The following SYMPK variants were observed in gnomAD, a reference collection of about 807,000 sequenced individuals.
The protein encoded by SYMPK is symplekin scaffold protein.
A neutral mutation model predicts 136.4 loss-of-function variants in SYMPK; 49 were observed. The observed-to-expected ratio is 0.36, with a 90% CI of 0.29 to 0.46. SYMPK has a LOEUF of 0.46. Among genes scored for constraint, SYMPK ranks in the 20% least tolerant of loss-of-function variants. The pLI, the probability that SYMPK is intolerant of heterozygous loss-of-function variation, is 1.00. For missense variants in SYMPK, 1,365 were observed against 1,690.0 expected, an observed-to-expected ratio of 0.81 and a Z score of 3.37; for synonymous variants, 766 against 713.0, an observed-to-expected ratio of 1.07 and a Z score of -1.19.
intron 5 of SYMPK, among the ~76,000 whole-genome samples, chr19:45,850,711 T>G (rs1971678549): frequency 6.6e-6 from 1 of 152,120 alleles, no homozygotes; most frequent in African/African-American, 2.4e-5. Context: ...CAGCCCCTAC[T>G]AGGTGACAAC....
At chr19:45,835,711 A>G (rs940500127) in intron 10 of SYMPK, among the ~76,000 whole-genome samples, 1 of 152,162 alleles carries the variant, frequency 6.6e-6, no homozygotes, top group African/African-American at 2.4e-5. Flanking sequence ...CAGGAGCCCA[A>G]GACCAGCCTG....
At position 45,815,587 on chromosome 19, in the gene SYMPK, C is replaced by G. The variant is rs1265965943; in HGVS notation, c.3798G>C (p.Arg1266Ser). Residue 1266 changes from arginine to serine, a missense_variant, in exon 27 of 27, where the codon AGG becomes AGC. Transcript: ENST00000245934. ...AGCTGTTCCCCTTGGCCTCGGGTTC[C>G]CTGGCGTCCTCGGCAGCCGGGCTGG... Reference protein sequence around the residue: ...KTPSPAAEDAREPEAKGNS With the variant: ...KTPSPAAEDASEPEAKGNS The G allele has an allele frequency of 1.9e-6, 3 of 1,602,068 alleles. No individual in the cohort carries two copies. In the African/African-American group the frequency reaches 4.0e-5, roughly 22 times the overall value.
chr19:45,829,333 G>T, intron 13 of SYMPK, 128 bp from the exon 14 acceptor site: 1 of 788,576 alleles, frequency 1.3e-6, no homozygotes. Context: ...AGCGAGGAAG[G>T]CCAGCCGAGG....
intron 12 of SYMPK, 74 bp downstream of exon 12, chr19:45,831,310 C>T (rs992707308): frequency 7.8e-7 from 1 of 1,283,290 alleles, no homozygotes; most frequent in South Asian, 1.6e-5. Context: ...CGCACACGCA[C>T]ACGCACACGA....
At chr19:45,816,715 CCCA>C in intron 24 of SYMPK, 80 bp downstream of exon 24, 1 of 1,488,178 alleles carries the variant, frequency 6.7e-7, no homozygotes, top group Non-Finnish European at 9.0e-7. Flanking sequence ...CCATCCAGTC[CCCA>C]CCAACCAGAG....
chr19:45,860,365 G>A (rs1013528949), intron 1 of SYMPK, among the ~76,000 whole-genome samples: 4 of 151,942 alleles, frequency 2.6e-5, no homozygotes, highest in Admixed American at 2.0e-4. Context: ...GGCTGAGGCA[G>A]GAGAATCGCT....
intron 1 of SYMPK, 58 bp downstream of exon 1, chr19:45,863,000 T>C: frequency 8.6e-6 from 2 of 233,646 alleles, no homozygotes; most frequent in Non-Finnish European, 1.6e-5. Flanking sequence ...CCCGAGCCCC[T>C]GCTTCTTTAG....
At chr19:45,841,775 A>G (rs1263694295) in intron 9 of SYMPK, among the ~76,000 whole-genome samples, 1 of 152,200 alleles carries the variant, frequency 6.6e-6, no homozygotes, top group East Asian at 1.9e-4. Context: ...AAAGGAATGA[A>G]AGAAGAGCTC....
intron 17 of SYMPK, 89 bp downstream of exon 17, chr19:45,826,137 A>G: frequency 6.6e-7 from 1 of 1,511,566 alleles, no homozygotes; most frequent in Non-Finnish European, 8.9e-7. Flanking sequence ...CTCGTGTCCG[A>G]GTGGCTTCCC....
At chr19:45,830,032 G>GT (rs965923704) in intron 13 of SYMPK, 22 bp downstream of exon 13, 1 of 1,534,882 alleles carries the variant, frequency 6.5e-7, no homozygotes, top group African/African-American at 1.4e-5. Flanking sequence ...GAAGGATGGG[G>GT]TGGGGGGTGG....
At chr19:45,817,406 T>A (rs1970774431) in intron 23 of SYMPK, among the ~76,000 whole-genome samples, 1 of 145,620 alleles carries the variant, frequency 6.9e-6, no homozygotes, top group African/African-American at 2.6e-5. Flanking sequence ...GGGGTTTGGT[T>A]TTTTTGTTCT....
chr19:45,856,911 G>A (rs1300357313), intron 1 of SYMPK, among the ~76,000 whole-genome samples: 1 of 151,934 alleles, frequency 6.6e-6, no homozygotes, highest in Non-Finnish European at 1.5e-5. Flanking sequence ...GAGGTCAGGA[G>A]TTCGAGACCA....
In SYMPK at chr19:45,821,559, A is replaced by C; in HGVS notation, c.2792-74T>G. ...GTGAAGAGATGGGTCTGAGTTCCCC[A>C]GATCGGGGGAGCTGCGAGCAAAGAT... On this transcript the variant is annotated intron_variant, in intron 21 of 26. Transcript: ENST00000245934. The surrounding 1 kb of genome is among the most constrained non-coding windows in gnomAD (Gnocchi z 4.4). The C allele has an allele frequency of 1.0e-6, 1 of 980,886 alleles. No homozygotes were observed. The highest frequency in any genetic ancestry group is 1.6e-6 in the Non-Finnish European group (1 of 634,916). 60.8% of individuals were successfully genotyped at this position (980,886 alleles called of 1,614,324 possible). A position where few individuals can be genotyped will look rare whatever the true frequency, so the allele number is the denominator to read the frequency against.
chr19:45,820,948 G>T (rs1411788055), intron 22 of SYMPK: 5 of 581,172 alleles, frequency 8.6e-6, no homozygotes, highest in Non-Finnish European at 1.2e-5. Context: ...CACCAACCCT[G>T]CCGCCCTGCA....
chr19:45,852,631 C>G, intron 3 of SYMPK, 96 bp from the exon 4 acceptor site: 1 of 1,433,594 alleles, frequency 7.0e-7, no homozygotes, highest in Admixed American at 1.7e-5. Context: ...CAGCAGAGGG[C>G]TAGGCAGCAG....
chr19:45,852,231 G>T, intron 5 of SYMPK, 81 bp downstream of exon 5: 3 of 1,412,104 alleles, frequency 2.1e-6, no homozygotes, highest in South Asian at 1.1e-5. Flanking sequence ...AGGCCTCTCA[G>T]TGGTGGCCTC....
rs115830548 is a variant in SYMPK, at chr19:45,827,448, G to A, written c.2181+62C>T. On this transcript the variant is annotated intron_variant, in intron 16 of 26. Coordinates refer to ENST00000245934, the MANE Select transcript of SYMPK (RefSeq NM_004819.3). ...TGGAAGACGTGGGCTGGTTACTCAG[G>A]ATAGAGGCGGCCTCTGCAAGCTGCA... 1,744 of 1,213,062 alleles carry A rather than the reference G, an allele frequency of 1.4e-3. 21 individuals are homozygous for A. In the African/African-American group the frequency reaches 0.024, roughly 16 times the overall value. 75.1% of individuals were successfully genotyped at this position (1,213,062 alleles called of 1,614,324 possible). A position where few individuals can be genotyped will look rare whatever the true frequency, so the allele number is the denominator to read the frequency against.
At chr19:45,854,875 C>CTTTTTT in intron 1 of SYMPK, 1 of 167,644 alleles carries the variant, frequency 6.0e-6, no homozygotes, top group Non-Finnish European at 1.2e-5. Flanking sequence ...CCACAGCAAA[C>CTTTTTT]TTTCTTTTTT....
At chr19:45,859,651 G>T (rs1160132103) in intron 1 of SYMPK, among the ~76,000 whole-genome samples, 1 of 150,210 alleles carries the variant, frequency 6.7e-6, no homozygotes, top group African/African-American at 2.5e-5. Context: ...AAAATAGGAC[G>T]GGTATAGTGG....
Sources: gnomAD v4.1 joint callset for allele counts (sites outside exome capture counted in the v4.1 genomes callset) on GRCh38, gnomAD v4.1.1 for gene constraint, Gnocchi (gnomAD v3.1) non-coding constraint, MANE v1.5 for transcripts, NCBI Gene and HGNC (gene_info 2026-07-23, HGNC 2026-07-21) for gene names.